ZNF782: variants seen among roughly 807,000 people sequenced by gnomAD.
The protein encoded by ZNF782 is zinc finger protein 782.
Under a neutral mutation model 13.0 loss-of-function variants are expected in ZNF782, and 12 were observed. The observed-to-expected ratio is 0.92, with a 90% CI of 0.59 to 1.50. The LOEUF (loss-of-function observed/expected upper bound fraction) is 1.50, where lower values mean the gene tolerates loss of function less well. ZNF782 is among the 40% of genes most tolerant of loss of function. The probability of loss-of-function intolerance (pLI) is 0.00; values close to 1 mark genes in which losing one functional copy is unlikely to be tolerated. For missense variants in ZNF782, 770 were observed against 822.9 expected (o/e 0.94, Z 0.79); for synonymous variants, 284 against 283.0 (o/e 1.00, Z -0.04).
At chr9:96,830,791 G>C (rs971029431) in intron 4 of ZNF782, among the ~76,000 whole-genome samples, 2 of 152,134 alleles carry the variant, frequency 1.3e-5, no homozygotes, top group African/African-American at 2.4e-5. Flanking sequence ...ATCTGATAAA[G>C]ACTTTAAATA....
intron 4 of ZNF782, 136 bp from the exon 5 acceptor site, chr9:96,827,317 A>T: frequency 1.9e-6 from 1 of 528,130 alleles, no homozygotes; most frequent in South Asian, 3.3e-5. Flanking sequence ...AACCACAAAA[A>T]ACATTTTCTT....
intron 1 of ZNF782, among the ~76,000 whole-genome samples, chr9:96,861,846 C>A (rs1851705513): frequency 6.6e-6 from 1 of 152,176 alleles, no homozygotes; most frequent in South Asian, 2.1e-4. Context: ...CTATAGAGAA[C>A]AGTTTGGAGG....
At chr9:96,895,221 A>G in the ZNF782 span, 1 of 152,362 alleles carries the variant, frequency 6.6e-6, no homozygotes, top group African/African-American at 2.4e-5. Flanking sequence ...TTTAATCACC[A>G]AAGACAAGGT....
intron 5 of ZNF782, among the ~76,000 whole-genome samples, chr9:96,820,346 T>C (rs1850370189): frequency 6.6e-6 from 1 of 152,154 alleles, no homozygotes; most frequent in South Asian, 2.1e-4. Flanking sequence ...TGACACCAAT[T>C]TCCTCATGTT....
At chr9:96,831,830 CT>C (rs1564001383) in intron 4 of ZNF782, among the ~76,000 whole-genome samples, 6 of 151,994 alleles carry the variant, frequency 3.9e-5, no homozygotes. Context: ...GCCAATCCTG[CT>C]TTTTTATGAT....
intron 4 of ZNF782, among the ~76,000 whole-genome samples, chr9:96,844,313 C>G (rs897957614): frequency 3.3e-5 from 5 of 152,112 alleles, no homozygotes; most frequent in African/African-American, 1.2e-4. Flanking sequence ...CAGCTTTACT[C>G]AGAAAAGCAC....
At position 96,818,393 on chromosome 9, in the gene ZNF782, C is replaced by A; in HGVS notation, c.1630G>T (p.Gly544Cys). Reference protein sequence around the residue: ...YKCNQCGKAFGQKSQLRGHHR... With the variant: ...YKCNQCGKAFCQKSQLRGHHR... ...TGTCCTCTGAGTTGTGATTTCTGACCGAAAGCTTTTCCACACTGATTACAT... is the reference window on the plus strand; with the variant it reads ...TGTCCTCTGAGTTGTGATTTCTGACAGAAAGCTTTTCCACACTGATTACAT... The change falls in exon 6 of 6, where the codon GGT becomes TGT. Residue 544 changes from glycine (G) to cysteine (C), a missense_variant. Gly to Cys is a radical substitution (Grantham distance 159, BLOSUM62 -3). Transcript: ENST00000481138. 6.2e-7 allele frequency: 1 copy of A among 1,612,006 alleles called. No homozygotes were observed. Among genetic ancestry groups the A allele is most frequent in the South Asian group, 1.1e-5 (1 of 90,942 alleles).
exon 3 of ZNF782, chr9:96,860,253 G>C (rs915384475): frequency 6.6e-6 from 1 of 152,408 alleles, no homozygotes; most frequent in East Asian, 1.9e-4. Flanking sequence ...GCTAATTGGA[G>C]AGCCCTGGGG....
At chr9:96,905,736 C>T in the ZNF782 span, among the ~76,000 whole-genome samples, 1 of 152,382 alleles carries the variant, frequency 6.6e-6, no homozygotes, top group East Asian at 1.9e-4. Flanking sequence ...CAGACATGCG[C>T]CACTATGCCC....
intron 1 of ZNF782, among the ~76,000 whole-genome samples, chr9:96,862,329 G>A (rs771929549): frequency 2.6e-5 from 4 of 152,170 alleles, no homozygotes; most frequent in Non-Finnish European, 5.9e-5. Flanking sequence ...GTTGACTACT[G>A]TCAATAATTA....
chr9:96,818,964 G>C lies in ZNF782; in HGVS notation c.1059C>G (p.Phe353Leu). 1 of 1,614,186 alleles carries C rather than the reference G, an allele frequency of 6.2e-7. No homozygotes were observed. The highest frequency in any genetic ancestry group is 1.1e-5 in the South Asian group (1 of 91,072). Residue 353 changes from phenylalanine (F) to leucine (L), a missense_variant, in exon 6 of 6, where the codon TTC becomes TTG. Phe to Leu is a conservative substitution (Grantham distance 22). Transcript: ENST00000481138. ...CTETFSYQST[F>L]SVHQKVHIRA... ...TTATGTGAACCTTCTGATGTACACT[G>C]AAAGTTGACTGGTAGCTGAATGTCT...
the ZNF782 span, chr9:96,891,279 A>G: frequency 6.6e-6 from 1 of 152,220 alleles, no homozygotes; most frequent in Non-Finnish European, 1.5e-5. Flanking sequence ...CATTTATATT[A>G]TGTATATTTT....
At chr9:96,871,698 A>G (rs1339206307) in intron 1 of ZNF782, among the ~76,000 whole-genome samples, 1 of 152,204 alleles carries the variant, frequency 6.6e-6, no homozygotes, top group Non-Finnish European at 1.5e-5. Flanking sequence ...CAACATACTG[A>G]GACCCTGTCA....
intron 1 of ZNF782, among the ~76,000 whole-genome samples, chr9:96,873,797 A>AT (rs1209617883): frequency 6.6e-6 from 1 of 152,236 alleles, no homozygotes; most frequent in Non-Finnish European, 1.5e-5. Flanking sequence ...ATTTTGATAC[A>AT]TGGAAAATTG....
upstream of ZNF782, among the ~76,000 whole-genome samples, chr9:96,879,942 C>CG (rs1298903415): frequency 6.6e-6 from 1 of 151,224 alleles, no homozygotes; most frequent in African/African-American, 2.4e-5. Flanking sequence ...TAAGGATAGA[C>CG]TTATTTTTTC....
intron 1 of ZNF782, among the ~76,000 whole-genome samples, chr9:96,868,157 C>T (rs1332255636): frequency 6.6e-6 from 1 of 152,192 alleles, no homozygotes; most frequent in East Asian, 1.9e-4. Flanking sequence ...TACTTATGTG[C>T]ATTTTTGAAG....
intron 3 of ZNF782, among the ~76,000 whole-genome samples, chr9:96,849,179 G>C (rs1392071240): frequency 6.6e-6 from 1 of 152,174 alleles, no homozygotes; most frequent in African/African-American, 2.4e-5. Flanking sequence ...GGTGGGGATG[G>C]TTTCAAGATT....
chr9:96,825,831 A>T (rs891306851), intron 5 of ZNF782, among the ~76,000 whole-genome samples: 1 of 151,520 alleles, frequency 6.6e-6, no homozygotes, highest in Non-Finnish European at 1.5e-5. Flanking sequence ...GAGAAATGCA[A>T]ATCAAAACCA....
At chr9:96,911,515 TGTTTTG>T in the ZNF782 span, among the ~76,000 whole-genome samples, 6 of 145,658 alleles carry the variant, frequency 4.1e-5, no homozygotes, top group East Asian at 1.1e-3. Flanking sequence ...TTTTTGTTTT[TGTTTTG>T]TTTTGTTTTT....
Sources: gnomAD v4.1 joint callset for allele counts (sites outside exome capture counted in the v4.1 genomes callset) on GRCh38, gnomAD v4.1.1 for gene constraint, MANE v1.5 for transcripts, NCBI Gene and HGNC (gene_info 2026-07-23, HGNC 2026-07-21) for gene names.